Variants in ERCC4 observed in about 807,000 individuals in gnomAD.
The protein encoded by ERCC4 is ERCC excision repair 4, endonuclease catalytic subunit, also known as DNA repair endonuclease XPF.
A neutral mutation model predicts 76.9 loss-of-function variants in ERCC4; 65 were observed. That is an observed-to-expected ratio of 0.84 (90% CI 0.69 to 1.04). The LOEUF (loss-of-function observed/expected upper bound fraction) is 1.04. Ranked by LOEUF, ERCC4 falls within the 50% of genes least tolerant of loss-of-function variation. The pLI is 0.00. For synonymous variants in ERCC4, 463 were observed against 410.1 expected (o/e 1.13, Z -1.56); for missense variants, 1,214 against 1,128.2 (o/e 1.08, Z -1.09).
At chr16:13,944,089 T>C in intron 9 of ERCC4, 1 of 155,264 alleles carries the variant, frequency 6.4e-6, no homozygotes, top group East Asian at 1.9e-4. Flanking sequence ...TTTCAATAAA[T>C]GCATGAGTGA....
At chr16:13,940,540 C>T (rs943337796) in intron 9 of ERCC4, among the ~76,000 whole-genome samples, 3 of 152,224 alleles carry the variant, frequency 2.0e-5, no homozygotes, top group African/African-American at 7.2e-5. Context: ...TGTGACCACA[C>T]ATGCAAAGTG....
intron 2 of ERCC4, chr16:13,922,492 A>C (rs1302621276): frequency 2.7e-6 from 2 of 751,510 alleles, no homozygotes; most frequent in African/African-American, 3.4e-5. Context: ...CTTGGGAAGC[A>C]CATAGGCGTC....
chr16:13,931,985 C>A, intron 5 of ERCC4, 172 bp from the exon 6 acceptor site: 1 of 664,428 alleles, frequency 1.5e-6, no homozygotes, highest in Non-Finnish European at 2.7e-6. Flanking sequence ...GGACCACACC[C>A]AGAAAACCAC....
chr16:13,943,596 G>A (rs186232065), intron 9 of ERCC4, among the ~76,000 whole-genome samples: 8 of 152,332 alleles, frequency 5.3e-5, no homozygotes, highest in Admixed American at 6.5e-5. Flanking sequence ...TGAGATTTGC[G>A]TGGGGACCCA....
intron 9 of ERCC4, among the ~76,000 whole-genome samples, chr16:13,941,581 A>G (rs1401782981): frequency 6.6e-6 from 1 of 152,210 alleles, no homozygotes; most frequent in Non-Finnish European, 1.5e-5. Flanking sequence ...AGGTGAACTG[A>G]CAGTGAAAGG....
rs1249307425 is a variant in ERCC4, at chr16:13,950,920, C to T, written c.*2573C>T. The T allele has an allele frequency of 1.7e-5, 2 of 120,426 alleles. No homozygotes were observed. Among genetic ancestry groups the T allele is most frequent in the Non-Finnish European group, 3.5e-5 (2 of 56,430 alleles). The allele number at this position is 120,426 out of a possible 1,614,324, so 7.5% of individuals were successfully genotyped here. A position where few individuals can be genotyped will look rare whatever the true frequency, so the allele number is the denominator to read the frequency against. On this transcript the variant is annotated 3_prime_UTR_variant, in exon 11 of 11. Coordinates refer to ENST00000311895, the MANE Select transcript of ERCC4 (RefSeq NM_005236.3). ...TTAAAAATTGCACTAATACCAGTGCCCCCCTGGCTCTCCAAATCTGTTCTT... is the reference window on the plus strand; with the variant it reads ...TTAAAAATTGCACTAATACCAGTGCTCCCCTGGCTCTCCAAATCTGTTCTT...
Position 13,947,670 on chromosome 16 carries a change from C to T in ERCC4, c.2074C>T (p.Arg692Ter), listed in dbSNP as rs756155469. 1.9e-6 allele frequency: 3 copies of T among 1,614,056 alleles called. No homozygotes were observed. Among genetic ancestry groups the T allele is most frequent in the Non-Finnish European group, 1.7e-6 (2 of 1,180,034 alleles). ...QSIVVDMREF[R>*]SELPSLIHRR... is the part of the protein sequence containing the mutation. ...CATAGTTGTGGATATGCGTGAATTT[C>T]GAAGTGAGCTTCCATCTCTGATCCA... is the stretch of plus-strand genomic sequence containing the variant. Residue 692 changes from arginine (R) to a stop codon, truncating the protein, a stop_gained, in exon 11 of 11, where the codon CGA becomes TGA. Transcript: ENST00000311895. LOFTEE classifies it high-confidence loss of function.
chr16:13,948,694 C>T lies in ERCC4; in HGVS notation c.*347C>T, dbSNP rs934911758. 1 of 294,698 alleles carries T rather than the reference C, an allele frequency of 3.4e-6. No individual in the cohort carries two copies. Among genetic ancestry groups the T allele is most frequent in the African/African-American group, 2.1e-5 (1 of 47,024 alleles). 18.3% of individuals were successfully genotyped at this position (294,698 alleles called of 1,614,324 possible). A position where few individuals can be genotyped will look rare whatever the true frequency, so the allele number is the denominator to read the frequency against. ...CTCATTTAGAAAGGAATATGCTAAG[C>T]CTGGCATGGACGGTGCAGGGAGGGA... On this transcript the variant is annotated 3_prime_UTR_variant, in exon 11 of 11. Transcript: ENST00000311895.
chr16:13,944,695 G>T, intron 9 of ERCC4, 28 bp from the exon 10 acceptor site: 1 of 1,431,908 alleles, frequency 7.0e-7, no homozygotes, highest in Non-Finnish European at 9.9e-7. Flanking sequence ...ATTTGTTTCA[G>T]AAGTGTTGAC....
chr16:13,939,455 G>A (rs905026315), intron 9 of ERCC4, among the ~76,000 whole-genome samples: 9 of 152,150 alleles, frequency 5.9e-5, no homozygotes, highest in African/African-American at 2.2e-4. Context: ...TAATAGGAGA[G>A]TACATCAAAG....
chr16:13,921,934 A>G, intron 1 of ERCC4, 97 bp from the exon 2 acceptor site: 2 of 769,904 alleles, frequency 2.6e-6, no homozygotes, highest in South Asian at 3.1e-5. Flanking sequence ...TAAGTTCATT[A>G]TCTCAGAGAA....
intron 8 of ERCC4, among the ~76,000 whole-genome samples, chr16:13,937,468 T>G (rs570170110): frequency 6.6e-6 from 1 of 152,336 alleles, no homozygotes; most frequent in East Asian, 1.9e-4. Context: ...TTCTGTTTGT[T>G]TATAGTTATG....
At chr16:13,926,251 G>A (rs1439152548) in intron 2 of ERCC4, among the ~76,000 whole-genome samples, 1 of 152,204 alleles carries the variant, frequency 6.6e-6, no homozygotes. Context: ...GGCCCAGATG[G>A]TCACAAGGCT....
At chr16:13,946,435 T>C (rs762818295) in intron 10 of ERCC4, among the ~76,000 whole-genome samples, 6 of 152,234 alleles carry the variant, frequency 3.9e-5, no homozygotes, top group Non-Finnish European at 2.9e-5. Flanking sequence ...TGGTAAGTAT[T>C]TGTGTATGTA....
chr16:13,931,000 A>G (rs981915911), intron 5 of ERCC4, 110 bp downstream of exon 5: 1 of 746,226 alleles, frequency 1.3e-6, no homozygotes, highest in African/African-American at 1.7e-5. Flanking sequence ...TGTTATACTG[A>G]GATTTCAAAT....
At chr16:13,937,621 A>T in intron 8 of ERCC4, 145 bp from the exon 9 acceptor site, 1 of 693,804 alleles carries the variant, frequency 1.4e-6, no homozygotes, top group Non-Finnish European at 2.6e-6. Flanking sequence ...AATTTGAGCT[A>T]GTGTGTGATA....
At position 13,938,631 on chromosome 16, in the gene ERCC4, AAGTT is replaced by A. The variant is rs1428688045; in HGVS notation, c.1904+776_1904+779del. Reference sequence around the variant, plus strand: ...GGGCATCACAGAGCTGAGCCAGAGAAAGTTAGATCAGCAGAGACCATGGCCTGGA... The same window carrying A: ...GGGCATCACAGAGCTGAGCCAGAGAAAGATCAGCAGAGACCATGGCCTGGA... On this transcript the variant is annotated intron_variant, in intron 9 of 10. Coordinates refer to ENST00000311895, the MANE Select transcript of ERCC4 (RefSeq NM_005236.3). 2.0e-5 allele frequency among the ~76,000 whole-genome samples: 3 copies of A among 152,300 alleles called. No individual in the cohort carries two copies. The South Asian group carries it at 6.2e-4, about 32-fold the overall frequency.
chr16:13,920,627 T>G (rs375446816), intron 1 of ERCC4, among the ~76,000 whole-genome samples: 1 of 151,060 alleles, frequency 6.6e-6, no homozygotes, highest in Non-Finnish European at 1.5e-5. Flanking sequence ...CTGATAAGAA[T>G]TGGAGGGGCC....
At chr16:13,943,847 C>T (rs1190502850) in intron 9 of ERCC4, 1 of 151,690 alleles carries the variant, frequency 6.6e-6, no homozygotes, top group South Asian at 2.1e-4. Flanking sequence ...TTAATTATAA[C>T]ATACTTTATC....
Sources: gnomAD v4.1 joint callset for allele counts (sites outside exome capture counted in the v4.1 genomes callset) on GRCh38, gnomAD v4.1.1 for gene constraint, MANE v1.5 for transcripts, NCBI Gene and HGNC (gene_info 2026-07-23, HGNC 2026-07-21) for gene names.